Variants in SVOPL observed in about 807,000 individuals in gnomAD.
The protein encoded by SVOPL is SVOP like.
Under a neutral mutation model 61.0 loss-of-function variants are expected in SVOPL, and 60 were observed. That is an observed-to-expected ratio of 0.98 (90% CI 0.80 to 1.22). The LOEUF (loss-of-function observed/expected upper bound fraction) is 1.22, where lower values mean the gene tolerates loss of function less well. SVOPL is among the 50% of genes most tolerant of loss of function. The pLI, the probability that SVOPL is intolerant of heterozygous loss-of-function variation, is 0.00. For synonymous variants in SVOPL, 279 were observed against 250.0 expected (o/e 1.12, Z -1.09); for missense variants, 662 against 643.9 (o/e 1.03, Z -0.30).
chr7:138,647,288 G>A (rs1313528798), intron 8 of SVOPL, among the ~76,000 whole-genome samples: 1 of 152,154 alleles, frequency 6.6e-6, no homozygotes, highest in African/African-American at 2.4e-5. Context: ...GGCTGAGGCA[G>A]GAGAATTGCT....
At chr7:138,696,774 G>C (rs561614555) in intron 1 of SVOPL, among the ~76,000 whole-genome samples, 11 of 152,094 alleles carry the variant, frequency 7.2e-5, no homozygotes, top group Non-Finnish European at 1.5e-4. Flanking sequence ...TTACCATGTT[G>C]ACCAGACTGG....
At chr7:138,656,332 T>C in intron 7 of SVOPL, 116 bp downstream of exon 7, 1 of 1,006,054 alleles carries the variant, frequency 9.9e-7, no homozygotes, top group Non-Finnish European at 1.5e-6. Flanking sequence ...TTTATTCTGA[T>C]ACTCGCTTAA....
intron 1 of SVOPL, among the ~76,000 whole-genome samples, chr7:138,681,195 T>G (rs1802693856): frequency 6.8e-6 from 1 of 148,042 alleles, no homozygotes; most frequent in Admixed American, 6.8e-5. Context: ...ATATATGTTA[T>G]TAACAAATAT....
intron 9 of SVOPL, 43 bp from the exon 10 acceptor site, chr7:138,630,165 G>T (rs1800109333): frequency 6.7e-7 from 1 of 1,482,512 alleles, no homozygotes; most frequent in African/African-American, 1.4e-5. Context: ...AGCAGCTTAA[G>T]GATGAACGGA....
intron 5 of SVOPL, 116 bp from the exon 6 acceptor site, chr7:138,660,104 T>C: frequency 6.8e-7 from 1 of 1,479,210 alleles, no homozygotes; most frequent in East Asian, 2.5e-5. Context: ...TCTGAGGAGC[T>C]AACCTGTAGC....
chr7:138,662,381 G>A, intron 5 of SVOPL: 2 of 985,428 alleles, frequency 2.0e-6, no homozygotes, highest in Non-Finnish European at 2.4e-6. Context: ...GCCTGAGGGT[G>A]AGTTTTCTTG....
intron 8 of SVOPL, among the ~76,000 whole-genome samples, chr7:138,648,059 G>A (rs1300361351): frequency 6.6e-6 from 1 of 152,060 alleles, no homozygotes; most frequent in South Asian, 2.1e-4. Flanking sequence ...GTCTTTGAAT[G>A]AGTAGAATTG....
chr7:138,649,919 C>T (rs1043441899), intron 7 of SVOPL, among the ~76,000 whole-genome samples: 9 of 152,114 alleles, frequency 5.9e-5, no homozygotes, highest in African/African-American at 2.2e-4. Context: ...GCAACCTCTG[C>T]CTCCCGGGTT....
chr7:138,621,191 C>G, intron 13 of SVOPL, 56 bp from the exon 14 acceptor site: 1 of 1,474,442 alleles, frequency 6.8e-7, no homozygotes, highest in South Asian at 1.3e-5. Context: ...TTCCCCGAGC[C>G]CTCCTCTTCC....
chr7:138,680,602 G>A (rs1403490242), intron 1 of SVOPL, among the ~76,000 whole-genome samples: 7 of 144,512 alleles, frequency 4.8e-5, no homozygotes, highest in South Asian at 2.2e-4. Flanking sequence ...TGTGTGAGAC[G>A]GAGTCTTGCT....
intron 14 of SVOPL, among the ~76,000 whole-genome samples, chr7:138,620,303 TAG>T (rs1799504138): frequency 6.6e-6 from 1 of 151,008 alleles, no homozygotes; most frequent in African/African-American, 2.4e-5. Context: ...GTATTTTTAG[TAG>T]AGATGGGGTT....
chr7:138,598,023 T>A (rs1438580021), intron 14 of SVOPL, among the ~76,000 whole-genome samples: 1 of 152,224 alleles, frequency 6.6e-6, no homozygotes, highest in African/African-American at 2.4e-5. Context: ...ATCCAGTAGA[T>A]GTTACTGGGT....
chr7:138,700,774 T>C (rs1413190144), intron 1 of SVOPL, among the ~76,000 whole-genome samples: 4 of 152,128 alleles, frequency 2.6e-5, no homozygotes, highest in Non-Finnish European at 4.4e-5. Context: ...TGGAAAAGAA[T>C]GCTTCGCGTC....
Position 138,626,334 on chromosome 7 carries a change from T to G in SVOPL, c.1182-284A>C, listed in dbSNP as rs962308121. 6.6e-5 allele frequency among the ~76,000 whole-genome samples: 10 copies of G among 152,278 alleles called. No homozygotes were observed. The South Asian group carries it at 2.1e-3, about 32-fold the overall frequency. ...GGCTCACACCTGTAATCCCTGCAGTTTGGGAGGCCGAGGCAGCTAGATCGC... is the reference window on the plus strand; with the variant it reads ...GGCTCACACCTGTAATCCCTGCAGTGTGGGAGGCCGAGGCAGCTAGATCGC... On this transcript the variant is annotated intron_variant, in intron 12 of 15. Transcript: ENST00000674285.
At chr7:138,653,897 C>T (rs1468426264) in intron 7 of SVOPL, among the ~76,000 whole-genome samples, 1 of 149,040 alleles carries the variant, frequency 6.7e-6, no homozygotes, top group Non-Finnish European at 1.5e-5. Context: ...CATGCCACCA[C>T]ACTCCAGCCT....
At chr7:138,631,850 T>G (rs1800207242) in intron 9 of SVOPL, among the ~76,000 whole-genome samples, 1 of 152,076 alleles carries the variant, frequency 6.6e-6, no homozygotes, top group Admixed American at 6.6e-5. Flanking sequence ...ATTACAGGCA[T>G]GTGCCACCAT....
rs114116373 is a variant in SVOPL, at chr7:138,599,003, T to C, written c.1354-2473A>G. On this transcript the variant is annotated intron_variant, in intron 14 of 15. Coordinates refer to ENST00000674285, the MANE Select transcript of SVOPL (RefSeq NM_001139456.2). ...GGCTGGGCAGAGTAGCATGCACCTG[T>C]AGTCCCAGATACTTGGGAGGTTAAG... Among the ~76,000 whole-genome samples the C allele has an allele frequency of 2.1e-3, 320 of 151,934 alleles. 1 individual carries two copies. Among genetic ancestry groups the C allele is most frequent in the African/African-American group, 7.5e-3 (310 of 41,482 alleles).
At chr7:138,669,511 G>T (rs1250462641) in intron 4 of SVOPL, among the ~76,000 whole-genome samples, 1 of 152,202 alleles carries the variant, frequency 6.6e-6, no homozygotes, top group African/African-American at 2.4e-5. Flanking sequence ...CCAGAAAAGA[G>T]AAGAGGCTGG....
chr7:138,680,963 C>T (rs1802688519), intron 1 of SVOPL, among the ~76,000 whole-genome samples: 1 of 151,958 alleles, frequency 6.6e-6, no homozygotes, highest in African/African-American at 2.4e-5. Flanking sequence ...ACTATTCTTG[C>T]TAATGATATT....
Sources: allele counts gnomAD v4.1 joint callset (sites outside exome capture counted in the v4.1 genomes callset), GRCh38; gene constraint gnomAD v4.1.1; transcripts MANE v1.5; gene names NCBI Gene and HGNC (gene_info 2026-07-23, HGNC 2026-07-21).